Variants in C10orf90 observed in about 807,000 individuals in gnomAD.
The protein encoded by C10orf90 is (E2-independent) E3 ubiquitin-conjugating enzyme FATS.
In C10orf90, 56 loss-of-function variants were observed where a neutral mutation model predicts 62.5. The observed-to-expected ratio is 0.90, with a 90% CI of 0.72 to 1.12. C10orf90 has a LOEUF of 1.12. C10orf90 is among the 50% of genes most tolerant of loss of function. The pLI, the probability that C10orf90 is intolerant of heterozygous loss-of-function variation, is 0.00. For missense variants in C10orf90, 970 were observed against 880.4 expected (o/e 1.10, Z -1.29); for synonymous variants, 386 against 340.4 (o/e 1.13, Z -1.47).
chr10:126,427,863 A>G (rs913001826), intron 8 of C10orf90, among the ~76,000 whole-genome samples: 2 of 152,138 alleles, frequency 1.3e-5, no homozygotes, highest in Non-Finnish European at 2.9e-5. Flanking sequence ...GTGTGAGTCA[A>G]TTCTCCCGAA....
chr10:126,603,488 GA>G (rs1024730078), intron 2 of C10orf90, among the ~76,000 whole-genome samples: 1 of 152,058 alleles, frequency 6.6e-6, no homozygotes, highest in African/African-American at 2.4e-5. Context: ...ATTTGGTGGG[GA>G]CACAGCCAAA....
chr10:126,442,318 T>C (rs571578565), intron 7 of C10orf90, among the ~76,000 whole-genome samples: 86 of 150,770 alleles, frequency 5.7e-4, no homozygotes, highest in Admixed American at 5.7e-3. Flanking sequence ...AGAGGGACAT[T>C]ACATGATGAT....
At chr10:126,467,051 T>A (rs777404593) in intron 4 of C10orf90, among the ~76,000 whole-genome samples, 2 of 152,208 alleles carry the variant, frequency 1.3e-5, no homozygotes, top group Non-Finnish European at 2.9e-5. Context: ...GTGATATGGA[T>A]CCATCCTGGA....
At chr10:126,554,253 C>A (rs538179170) in intron 2 of C10orf90, among the ~76,000 whole-genome samples, 2 of 152,080 alleles carry the variant, frequency 1.3e-5, no homozygotes, top group Admixed American at 6.6e-5. Context: ...TAATGTCAAG[C>A]AAAAGAAGCC....
chr10:126,545,295 C>G (rs987978179), intron 2 of C10orf90, among the ~76,000 whole-genome samples: 1 of 152,146 alleles, frequency 6.6e-6, no homozygotes, highest in Admixed American at 6.5e-5. Flanking sequence ...ACAAAATGTA[C>G]AAGCCACGAC....
At chr10:126,639,952 T>C (rs1277846630) in intron 2 of C10orf90, among the ~76,000 whole-genome samples, 7 of 152,256 alleles carry the variant, frequency 4.6e-5, no homozygotes, top group African/African-American at 1.7e-4. Flanking sequence ...GAGTAGAAGA[T>C]GGCACAGAAG....
At chr10:126,565,536 A>T (rs1844365613) in intron 2 of C10orf90, among the ~76,000 whole-genome samples, 1 of 146,836 alleles carries the variant, frequency 6.8e-6, no homozygotes, top group Admixed American at 7.2e-5. Flanking sequence ...TCTGCTTTTT[A>T]AAAATGCCCT....
intron 2 of C10orf90, among the ~76,000 whole-genome samples, chr10:126,588,481 C>T (rs1009941697): frequency 6.6e-6 from 1 of 152,192 alleles, no homozygotes; most frequent in African/African-American, 2.4e-5. Flanking sequence ...GAGGAAAGAA[C>T]AGGCTGCCAC....
intron 2 of C10orf90, among the ~76,000 whole-genome samples, chr10:126,564,715 C>T (rs1844261604): frequency 7.0e-6 from 1 of 143,274 alleles, no homozygotes; most frequent in African/African-American, 2.6e-5. Flanking sequence ...TATGTGTGGC[C>T]TGACTACTGA....
chr10:126,456,976 T>G lies in C10orf90; in HGVS notation c.2188+2064A>C, dbSNP rs1171748895. ...GTAAGTTTCTGGGCTTGTTTTGTTT[T>G]TGTTTTTGCTTTTGTATTTTGCTTT... On this transcript the variant is annotated intron_variant, in intron 7 of 9. Coordinates refer to ENST00000488181, the MANE Select transcript of C10orf90 (RefSeq NM_001350921.2). The surrounding 1 kb of genome is among the most constrained non-coding windows in gnomAD (Gnocchi z 4.9). 6.6e-6 allele frequency among the ~76,000 whole-genome samples: 1 copy of G among 152,134 alleles called. No individual in the cohort carries two copies. The highest frequency in any genetic ancestry group is 2.4e-5 in the African/African-American group (1 of 41,424).
intron 1 of C10orf90, among the ~76,000 whole-genome samples, chr10:126,649,705 C>A (rs184330933): frequency 2.0e-4 from 30 of 152,262 alleles, no homozygotes; most frequent in African/African-American, 7.0e-4. Flanking sequence ...AATCTACAAC[C>A]GATGTCTGCA....
intron 5 of C10orf90, among the ~76,000 whole-genome samples, chr10:126,464,236 T>G (rs1370496140): frequency 6.6e-6 from 1 of 152,200 alleles, no homozygotes; most frequent in East Asian, 1.9e-4. Flanking sequence ...ACCTACTTTT[T>G]GGGCACGTGA....
rs1443506056 is a variant in C10orf90, at chr10:126,504,870, C to A, written c.621G>T (p.Pro207=). ...FALLPGRLGI[P]APSDERGPEA... ...CAGGTCCTCGCTCATCTGACGGTGCCGGGATTCCTAATCTGCCCGGAAGTA... is the reference window on the plus strand; with the variant it reads ...CAGGTCCTCGCTCATCTGACGGTGCAGGGATTCCTAATCTGCCCGGAAGTA... The change falls in exon 4 of 10, where the codon CCG becomes CCT. Residue 207 remains proline, a synonymous_variant. Transcript: ENST00000488181. This position sits in a 1 kb window ranked among gnomAD's most constrained non-coding sequence, Gnocchi z 4.1. 1.9e-6 allele frequency: 3 copies of A among 1,613,376 alleles called. No homozygotes were observed. Among genetic ancestry groups the A allele is most frequent in the African/African-American group, 2.7e-5 (2 of 74,922 alleles).
intron 4 of C10orf90, 91 bp from the exon 5 acceptor site, chr10:126,465,077 A>G: frequency 7.2e-7 from 1 of 1,383,396 alleles, no homozygotes; most frequent in Non-Finnish European, 9.9e-7. Context: ...TTCTCGGGAC[A>G]GACTTGGGGG....
At chr10:126,652,316 T>G (rs1846306497) in intron 1 of C10orf90, among the ~76,000 whole-genome samples, 2 of 152,236 alleles carry the variant, frequency 1.3e-5, no homozygotes, top group African/African-American at 4.8e-5. Flanking sequence ...CAATTGCCTT[T>G]TATTACTGAG....
At chr10:126,565,231 T>A (rs746715117) in intron 2 of C10orf90, among the ~76,000 whole-genome samples, 1,210 of 32,544 alleles carry the variant, frequency 0.037, 70 homozygotes, top group African/African-American at 0.065. Flanking sequence ...ATATTACATA[T>A]TATGTAATAT....
At position 126,527,818 on chromosome 10, in the gene C10orf90, G is replaced by A. The variant is rs187904491; in HGVS notation, c.314-13879C>T. Among the ~76,000 whole-genome samples the A allele has an allele frequency of 2.8e-3, 422 of 152,194 alleles. 1 individual carries two copies. Among genetic ancestry groups the A allele is most frequent in the African/African-American group, 9.4e-3 (390 of 41,520 alleles). On this transcript the variant is annotated intron_variant, in intron 2 of 9. Coordinates refer to ENST00000488181, the MANE Select transcript of C10orf90 (RefSeq NM_001350921.2). ...AATACAATTTATTTTTTATTTATCC[G>A]GCAAATATTTAGATAGCATTGACCA... is the stretch of plus-strand genomic sequence containing the variant.
At chr10:126,651,152 A>G (rs1269787283) in intron 1 of C10orf90, among the ~76,000 whole-genome samples, 1 of 152,236 alleles carries the variant, frequency 6.6e-6, no homozygotes, top group Non-Finnish European at 1.5e-5. Context: ...AAATCCTGCC[A>G]TCACAGCTGG....
At chr10:126,556,608 C>T (rs750911547) in intron 2 of C10orf90, among the ~76,000 whole-genome samples, 2 of 152,072 alleles carry the variant, frequency 1.3e-5, no homozygotes, top group Non-Finnish European at 2.9e-5. Flanking sequence ...TGCAATACAC[C>T]GGCAGTGTAT....
Sources: allele counts gnomAD v4.1 joint callset (sites outside exome capture counted in the v4.1 genomes callset), GRCh38; gene constraint gnomAD v4.1.1; non-coding constraint Gnocchi (gnomAD v3.1); transcripts MANE v1.5; gene names NCBI Gene and HGNC (gene_info 2026-07-23, HGNC 2026-07-21).